The following SMIM21 variants were observed in gnomAD, a reference collection of about 807,000 sequenced individuals.
The protein encoded by SMIM21 is chromosome 18 open reading frame 62.
SMIM21 carries 8 observed loss-of-function variants against 8.6 expected under a neutral mutation model. The observed-to-expected ratio is 0.93, with a 90% CI of 0.55 to 1.68. The LOEUF (loss-of-function observed/expected upper bound fraction) is 1.68. Ranked by LOEUF, SMIM21 falls within the 40% of genes most tolerant of loss-of-function variation. The pLI is 0.00. For missense variants in SMIM21, 132 were observed against 123.0 expected (o/e 1.07, Z -0.35); for synonymous variants, 43 against 41.7 (o/e 1.03, Z -0.12).
intron 2 of SMIM21, among the ~76,000 whole-genome samples, chr18:75,414,664 A>C (rs2144547474): frequency 6.6e-6 from 1 of 152,316 alleles, no homozygotes; most frequent in African/African-American, 2.4e-5. Context: ...CCAAACCCTC[A>C]GCTGTCACTA....
At chr18:75,424,314 C>G (rs2024739283) in intron 1 of SMIM21, among the ~76,000 whole-genome samples, 2 of 152,098 alleles carry the variant, frequency 1.3e-5, no homozygotes, top group African/African-American at 4.8e-5. Context: ...CTTCCTTGAC[C>G]TGAAACTTTA....
At chr18:75,419,325 G>A (rs1599107118) in intron 1 of SMIM21, among the ~76,000 whole-genome samples, 1 of 152,118 alleles carries the variant, frequency 6.6e-6, no homozygotes, top group East Asian at 1.9e-4. Flanking sequence ...TGACTTTAGT[G>A]TTCCAGTGTG....
At chr18:75,416,862 T>G (rs1182679762) in intron 2 of SMIM21, 3 of 152,198 alleles carry the variant, frequency 2.0e-5, no homozygotes, top group African/African-American at 7.2e-5. Flanking sequence ...CTTACTTATA[T>G]TTTCATCATC....
intron 1 of SMIM21, among the ~76,000 whole-genome samples, chr18:75,424,687 C>A (rs1266152134): frequency 2.0e-5 from 3 of 152,178 alleles, no homozygotes; most frequent in Non-Finnish European, 4.4e-5. Flanking sequence ...GAGCCCATAT[C>A]ACATTGTAGT....
At chr18:75,424,272 C>T (rs1463819194) in intron 1 of SMIM21, among the ~76,000 whole-genome samples, 4 of 152,274 alleles carry the variant, frequency 2.6e-5, no homozygotes, top group African/African-American at 4.8e-5. Flanking sequence ...CGGGTGTCCA[C>T]GTCAGGACGA....
intron 2 of SMIM21, among the ~76,000 whole-genome samples, chr18:75,414,118 C>T (rs867062596): frequency 0.014 from 1,987 of 140,094 alleles, 32 homozygotes; most frequent in East Asian, 0.052. Flanking sequence ...CACACACACA[C>T]ACATACACAC....
At chr18:75,418,997 C>G (rs2024681787) in intron 1 of SMIM21, 81 bp from the exon 2 acceptor site, 1 of 795,038 alleles carries the variant, frequency 1.3e-6, no homozygotes, top group Admixed American at 2.4e-5. Context: ...AACTCTTTGT[C>G]AAACAATTAA....
intron 1 of SMIM21, among the ~76,000 whole-genome samples, chr18:75,423,865 T>G (rs1236852255): frequency 6.6e-6 from 1 of 152,222 alleles, no homozygotes; most frequent in Non-Finnish European, 1.5e-5. Flanking sequence ...AGTCCAAATT[T>G]TTTTTTTACT....
intron 1 of SMIM21, among the ~76,000 whole-genome samples, chr18:75,423,906 T>C (rs2024734666): frequency 6.6e-6 from 1 of 152,224 alleles, no homozygotes; most frequent in South Asian, 2.1e-4. Flanking sequence ...ACACGGTCAT[T>C]TTAGTGACAC....
Position 75,427,648 on chromosome 18 carries a change from A to C in SMIM21, c.-85T>G, listed in dbSNP as rs1323543880. 1.4e-6 allele frequency: 2 copies of C among 1,384,682 alleles called. No individual in the cohort carries two copies. Among genetic ancestry groups the C allele is most frequent in the Middle Eastern group, 2.8e-4 (1 of 3,632 alleles). The allele number at this position is 1,384,682 out of a possible 1,614,324, so 85.8% of individuals were successfully genotyped here. Reference sequence around the variant, plus strand: ...CAGAGCTGGTGCTATAAGACCTGGTAACTAAGTTCCCAAGGAGCTTTTCTC... The same window carrying C: ...CAGAGCTGGTGCTATAAGACCTGGTCACTAAGTTCCCAAGGAGCTTTTCTC... On this transcript the variant is annotated 5_prime_UTR_variant, in exon 1 of 3. Coordinates refer to ENST00000579022, the MANE Select transcript of SMIM21 (RefSeq NM_001037331.3).
chr18:75,420,434 A>G (rs971406144), intron 1 of SMIM21, among the ~76,000 whole-genome samples: 5 of 152,152 alleles, frequency 3.3e-5, no homozygotes, highest in African/African-American at 1.2e-4. Context: ...TTTTAAATTT[A>G]AAGTGGTCTT....
chr18:75,409,908 C>A lies in SMIM21; in HGVS notation c.*956G>T, dbSNP rs892339534. On this transcript the variant is annotated 3_prime_UTR_variant, in exon 3 of 3. Coordinates refer to ENST00000579022, the MANE Select transcript of SMIM21 (RefSeq NM_001037331.3). Reference sequence around the variant, plus strand: ...TTCAGTGCACAGCTGCCACAGGCAACCTGGACGAATCCAGCCAGGCGGATA... The same window carrying A: ...TTCAGTGCACAGCTGCCACAGGCAAACTGGACGAATCCAGCCAGGCGGATA... 6.5e-6 allele frequency: 1 copy of A among 152,676 alleles called. No individual in the cohort carries two copies. Among genetic ancestry groups the A allele is most frequent in the Non-Finnish European group, 1.5e-5 (1 of 68,062 alleles). The allele number at this position is 152,676 out of a possible 1,614,324, so 9.5% of individuals were successfully genotyped here. A position where few individuals can be genotyped will look rare whatever the true frequency, so the allele number is the denominator to read the frequency against.
intron 1 of SMIM21, among the ~76,000 whole-genome samples, chr18:75,419,643 C>A (rs2024688663): frequency 6.6e-6 from 1 of 152,098 alleles, no homozygotes; most frequent in South Asian, 2.1e-4. Context: ...ATTTAGCATT[C>A]TTCTTCTTTC....
chr18:75,419,404 C>G (rs1385941441), intron 1 of SMIM21, among the ~76,000 whole-genome samples: 1 of 152,106 alleles, frequency 6.6e-6, no homozygotes, highest in Non-Finnish European at 1.5e-5. Context: ...AATGTGCCAA[C>G]AAAATTTTTC....
chr18:75,418,303 G>A (rs1313294376), intron 2 of SMIM21: 8 of 395,384 alleles, frequency 2.0e-5, no homozygotes, highest in Non-Finnish European at 3.6e-5. Context: ...CCTTAACTAA[G>A]CACAACTGGA....
chr18:75,418,045 A>T, intron 2 of SMIM21: 1 of 394,692 alleles, frequency 2.5e-6, no homozygotes, highest in Non-Finnish European at 4.5e-6. Flanking sequence ...AGAACAGGAG[A>T]CATTTGGAAG....
At chr18:75,418,176 A>T (rs1342991598) in intron 2 of SMIM21, 1 of 398,366 alleles carries the variant, frequency 2.5e-6, no homozygotes, top group East Asian at 3.6e-5. Context: ...CAGTGGGAGA[A>T]AGAAGGAGTT....
At chr18:75,425,560 A>G (rs1209144419) in intron 1 of SMIM21, among the ~76,000 whole-genome samples, 2 of 152,204 alleles carry the variant, frequency 1.3e-5, no homozygotes, top group East Asian at 3.9e-4. Context: ...CGTTACCATC[A>G]TATGATTTAT....
intron 1 of SMIM21, among the ~76,000 whole-genome samples, chr18:75,420,151 G>T (rs575005877): frequency 6.6e-6 from 1 of 152,216 alleles, no homozygotes; most frequent in Non-Finnish European, 1.5e-5. Flanking sequence ...CTTGCTGCTG[G>T]AGTATTGCAG....
Sources: gnomAD v4.1 joint callset for allele counts (sites outside exome capture counted in the v4.1 genomes callset) on GRCh38, gnomAD v4.1.1 for gene constraint, MANE v1.5 for transcripts, NCBI Gene and HGNC (gene_info 2026-07-23, HGNC 2026-07-21) for gene names.